The following TBC1D1 variants were observed in gnomAD, a reference collection of about 807,000 sequenced individuals.
TBC1D1 encodes TBC1 (tre-2/USP6, BUB2, cdc16) domain family, member 1.
TBC1D1 carries 89 observed loss-of-function variants against 125.6 expected under a neutral mutation model. The ratio of observed to expected loss-of-function variants is 0.71; its 90% CI spans 0.60 to 0.85. TBC1D1 has a LOEUF of 0.85. TBC1D1 is among the 40% of genes least tolerant of loss of function. The probability of loss-of-function intolerance (pLI) is 0.00; values close to 1 mark genes in which losing one functional copy is unlikely to be tolerated. For synonymous variants in TBC1D1, 565 were observed against 564.1 expected (o/e 1.00, Z -0.02); for missense variants, 1,377 against 1,469.2 (o/e 0.94, Z 1.03).
chr4:37,957,981 A>G (rs1215357597), intron 2 of TBC1D1, among the ~76,000 whole-genome samples: 1 of 152,222 alleles, frequency 6.6e-6, no homozygotes, highest in African/African-American at 2.4e-5. Context: ...TTCACTGGAA[A>G]ATATTACTTC....
In TBC1D1 at chr4:38,027,802, A is replaced by C. The variant is rs1745352671; in HGVS notation, c.1225A>C (p.Lys409Gln). The C allele has an allele frequency of 1.9e-6, 3 of 1,610,228 alleles. No individual in the cohort carries two copies. In the Admixed American group the frequency reaches 5.1e-5, roughly 27 times the overall value. ...TCTCTTAATAGGAATGAATTCTTCCAAAACAAAACTAGAACTGCAAAAGCA... is the reference window on the plus strand; with the variant it reads ...TCTCTTAATAGGAATGAATTCTTCCCAAACAAAACTAGAACTGCAAAAGCA... The change falls in exon 7 of 20, where the codon AAA becomes CAA. Residue 409 changes from lysine (K) to glutamine (Q), a missense_variant. Transcript: ENST00000261439.
intron 6 of TBC1D1, among the ~76,000 whole-genome samples, chr4:38,025,564 T>G (rs1744909251): frequency 6.6e-6 from 1 of 152,244 alleles, no homozygotes; most frequent in South Asian, 2.1e-4. Context: ...ATTTCGTGAT[T>G]TCACCTGAGA....
rs542484086 is a variant in TBC1D1, at chr4:38,113,137, A to C, written c.2558-2573A>C. Among the ~76,000 whole-genome samples, 14 of 152,316 alleles carry C rather than the reference A, an allele frequency of 9.2e-5. 1 individual carries two copies. In the South Asian group the frequency reaches 2.9e-3, roughly 32 times the overall value. On this transcript the variant is annotated intron_variant, in intron 15 of 19. Coordinates refer to ENST00000261439, the MANE Select transcript of TBC1D1 (RefSeq NM_015173.4). ...AATTGGTACATAATTTGCAGGGCCT[A>C]TTGCAAGATGAAAATGCAGAACCCT...
At chr4:38,017,059 G>A (rs1179893998) in intron 3 of TBC1D1, among the ~76,000 whole-genome samples, 1 of 62,496 alleles carries the variant, frequency 1.6e-5, no homozygotes, top group Non-Finnish European at 3.1e-5. Flanking sequence ...TGGATGCCAT[G>A]GGGAAGGAGA....
intron 12 of TBC1D1, among the ~76,000 whole-genome samples, chr4:38,059,095 C>G (rs538708005): frequency 1.3e-5 from 2 of 152,156 alleles, no homozygotes; most frequent in African/African-American, 4.8e-5. Context: ...TTGCAAGAAT[C>G]TGAACTTTAT....
At chr4:38,021,312 A>G (rs979494896) in intron 5 of TBC1D1, among the ~76,000 whole-genome samples, 4 of 152,196 alleles carry the variant, frequency 2.6e-5, no homozygotes, top group Non-Finnish European at 5.9e-5. Context: ...GACATATGGG[A>G]ATTATGGGAG....
At chr4:38,064,346 TC>T (rs1274923657) in intron 12 of TBC1D1, among the ~76,000 whole-genome samples, 12 of 152,168 alleles carry the variant, frequency 7.9e-5, no homozygotes, top group African/African-American at 2.9e-4. Context: ...AAACTCCTCC[TC>T]CAGGGGGGCC....
At chr4:38,013,699 AGAG>A (rs1742003967) in intron 2 of TBC1D1, among the ~76,000 whole-genome samples, 1 of 152,212 alleles carries the variant, frequency 6.6e-6, no homozygotes, top group Non-Finnish European at 1.5e-5. Context: ...GTTAATGATG[AGAG>A]GATGTAGCAG....
At chr4:38,106,622 G>T (rs753132277) in intron 15 of TBC1D1, among the ~76,000 whole-genome samples, 1 of 152,172 alleles carries the variant, frequency 6.6e-6, no homozygotes, top group East Asian at 1.9e-4. Flanking sequence ...TTGCTCCAAG[G>T]CTGGGAGGAG....
At chr4:37,959,017 T>G (rs1044054976) in intron 2 of TBC1D1, among the ~76,000 whole-genome samples, 14 of 152,212 alleles carry the variant, frequency 9.2e-5, no homozygotes, top group African/African-American at 2.9e-4. Flanking sequence ...TCAGTTGATA[T>G]ACCAGGTCCA....
At chr4:37,922,448 C>A (rs1054954850) in intron 2 of TBC1D1, among the ~76,000 whole-genome samples, 3 of 152,212 alleles carry the variant, frequency 2.0e-5, no homozygotes, top group African/African-American at 7.2e-5. Flanking sequence ...CCTGTTAGAA[C>A]TCAGTACAGA....
intron 2 of TBC1D1, among the ~76,000 whole-genome samples, chr4:37,909,634 A>G (rs1380193652): frequency 6.6e-6 from 1 of 152,130 alleles, no homozygotes; most frequent in Admixed American, 6.6e-5. Context: ...TTATTTTTCA[A>G]ATATTCTCAC....
intron 2 of TBC1D1, among the ~76,000 whole-genome samples, chr4:37,990,706 GCCCT>G (rs767838675): frequency 1.3e-5 from 2 of 152,116 alleles, no homozygotes; most frequent in Non-Finnish European, 2.9e-5. Context: ...AGTAAAAGCA[GCCCT>G]TCAAGTCTGT....
intron 2 of TBC1D1, chr4:37,960,755 A>G (rs1729855713): frequency 1.2e-6 from 2 of 1,614,210 alleles, no homozygotes; most frequent in Non-Finnish European, 1.7e-6. Context: ...TTCCTGCCTC[A>G]GATGACGCCT....
At position 38,134,872 on chromosome 4, in the gene TBC1D1, A is replaced by G. The variant is rs142054018; in HGVS notation, c.3306+1615A>G. On this transcript the variant is annotated intron_variant, in intron 19 of 19. Transcript: ENST00000261439. ...GTCGTTCTCTTGACCAAGTAGTCCT[A>G]CACTTCTGGAAGGATCATTCAGAAC... is the stretch of plus-strand genomic sequence containing the variant. 2.0e-4 allele frequency among the ~76,000 whole-genome samples: 30 copies of G among 152,300 alleles called. 1 individual carries two copies. The East Asian group carries it at 5.8e-3, about 29-fold the overall frequency.
chr4:37,992,345 AAAG>A (rs1159526936), intron 2 of TBC1D1, among the ~76,000 whole-genome samples: 1 of 152,120 alleles, frequency 6.6e-6, no homozygotes, highest in African/African-American at 2.4e-5. Flanking sequence ...GAGTAAGGAG[AAAG>A]AAGAGCAGAA....
chr4:38,043,321 G>C (rs958134349), intron 8 of TBC1D1, among the ~76,000 whole-genome samples: 1 of 152,004 alleles, frequency 6.6e-6, no homozygotes, highest in African/African-American at 2.4e-5. Context: ...CCTTCGGCTG[G>C]GTGTGGTAGC....
chr4:38,110,865 G>C (rs1762087702), intron 15 of TBC1D1: 2 of 960,026 alleles, frequency 2.1e-6, no homozygotes, highest in Non-Finnish European at 2.5e-6. Flanking sequence ...GTGTCTTCCC[G>C]AGCTAGCATG....
chr4:37,918,493 G>A (rs185146834), intron 2 of TBC1D1, among the ~76,000 whole-genome samples: 1 of 151,314 alleles, frequency 6.6e-6, no homozygotes, highest in African/African-American at 2.4e-5. Context: ...TGTCTCCCAG[G>A]CTGGGGTGCA....
Sources: gnomAD v4.1 joint callset for allele counts (sites outside exome capture counted in the v4.1 genomes callset) on GRCh38, gnomAD v4.1.1 for gene constraint, MANE v1.5 for transcripts, NCBI Gene and HGNC (gene_info 2026-07-23, HGNC 2026-07-21) for gene names.